The following EXOC8 variants were observed in gnomAD, a reference collection of about 807,000 sequenced individuals.
EXOC8 encodes exocyst complex component 8.
EXOC8 carries 19 observed loss-of-function variants against 50.8 expected under a neutral mutation model. The observed-to-expected ratio is 0.37, with a 90% CI of 0.26 to 0.55. EXOC8 has a LOEUF of 0.55. EXOC8 is among the 20% of genes least tolerant of loss of function. The probability of loss-of-function intolerance (pLI) is 0.80; values close to 1 mark genes in which losing one functional copy is unlikely to be tolerated. For missense variants in EXOC8, 781 were observed against 915.8 expected, an observed-to-expected ratio of 0.85 and a Z score of 1.90; for synonymous variants, 384 against 367.9, an observed-to-expected ratio of 1.04 and a Z score of -0.50.
chr1:231,337,316 C>G lies in EXOC8; in HGVS notation c.430G>C (p.Gly144Arg). ...RGQAGFFSTP[G>R]GASRDGSGPG... ...CCGGAGCCGTCGCGGGAGGCACCCC[C>G]GGGGGTGGAGAAAAAGCCGGCCTGG... Residue 144 changes from glycine to arginine, a missense_variant, in exon 1 of 1, where the codon GGG becomes CGG. Physicochemically the swap from Gly to Arg is moderately radical, Grantham distance 125 (BLOSUM62 -2). Coordinates refer to ENST00000366645, the MANE Select transcript of EXOC8 (RefSeq NM_175876.5). The surrounding 1 kb of genome is among the most constrained non-coding windows in gnomAD (Gnocchi z 5.9). 3.1e-6 allele frequency: 5 copies of G among 1,603,200 alleles called. No homozygotes were observed. Among genetic ancestry groups the G allele is most frequent in the Non-Finnish European group, 4.2e-6 (5 of 1,179,922 alleles).
Position 231,333,688 on chromosome 1 carries a change from A to C in EXOC8, c.*1880T>G, listed in dbSNP as rs545500236. ...GCTAAGATATCCAGTTATGGTTACA[A>C]CTTTCGAAAATCCTAAAGTTATGTG... On this transcript the variant is annotated 3_prime_UTR_variant, in exon 1 of 1. Coordinates refer to ENST00000366645, the MANE Select transcript of EXOC8 (RefSeq NM_175876.5). The C allele has an allele frequency of 9.2e-5, 14 of 152,770 alleles. No homozygotes were observed. The South Asian group carries it at 2.9e-3, about 32-fold the overall frequency. The allele number at this position is 152,770 out of a possible 1,614,324, so 9.5% of individuals were successfully genotyped here.
In EXOC8 at chr1:231,337,217, C is replaced by G. The variant is rs1296298562; in HGVS notation, c.529G>C (p.Glu177Gln). 18 of 1,613,784 alleles carry G rather than the reference C, an allele frequency of 1.1e-5. No homozygotes were observed. Among genetic ancestry groups the G allele is most frequent in the Middle Eastern group, 1.6e-4 (1 of 6,062 alleles). The part of the protein sequence containing the change: ...EKVEGCRHLL[E>Q]TPGQYLVYNG... ...TACACCAAGTACTGTCCCGGCGTCT[C>G]CAGCAGATGCCTGCAGCCTTCCACC... The change falls in exon 1 of 1, where the codon GAG (glutamate) becomes CAG (glutamine). Residue 177 changes from glutamate (E) to glutamine (Q), a missense_variant. By Grantham distance (29) the Glu-to-Gln change is conservative (BLOSUM62 2). Coordinates refer to ENST00000366645, the MANE Select transcript of EXOC8 (RefSeq NM_175876.5). The surrounding 1 kb of genome is among the most constrained non-coding windows in gnomAD (Gnocchi z 5.9).
rs1686633381 is a variant in EXOC8, at chr1:231,335,014, G to A, written c.*554C>T. 1 of 150,934 alleles carries A rather than the reference G, an allele frequency of 6.6e-6. No individual in the cohort carries two copies. Among genetic ancestry groups the A allele is most frequent in the South Asian group, 2.1e-4 (1 of 4,792 alleles). 9.3% of individuals were successfully genotyped at this position (150,934 alleles called of 1,614,324 possible). A position where few individuals can be genotyped will look rare whatever the true frequency, so the allele number is the denominator to read the frequency against. On this transcript the variant is annotated 3_prime_UTR_variant, in exon 1 of 1. Coordinates refer to ENST00000366645, the MANE Select transcript of EXOC8 (RefSeq NM_175876.5). ...TGACTGCTGTATAATATATACTGTG[G>A]GGAAAAAAAAAAAGAAGAAAGAAAA...
Position 231,337,829 on chromosome 1 carries a change from C to T in EXOC8, c.-84G>A. 2.0e-6 allele frequency: 3 copies of T among 1,492,204 alleles called. No individual in the cohort carries two copies. The highest frequency in any genetic ancestry group is 2.7e-6 in the Non-Finnish European group (3 of 1,115,394). The allele number at this position is 1,492,204 out of a possible 1,614,324, so 92.4% of individuals were successfully genotyped here. On this transcript the variant is annotated 5_prime_UTR_variant, in exon 1 of 1. Coordinates refer to ENST00000366645, the MANE Select transcript of EXOC8 (RefSeq NM_175876.5). The surrounding 1 kb of genome is among the most constrained non-coding windows in gnomAD (Gnocchi z 5.9). ...CTAGACCCACCCAAGGCCAACCGAG[C>T]TCCTGGGCTGAGGAAGCAGGAATGG... is the stretch of plus-strand genomic sequence containing the variant.
Position 231,335,470 on chromosome 1 carries a change from G to C in EXOC8, c.*98C>G. On this transcript the variant is annotated 3_prime_UTR_variant, in exon 1 of 1. Coordinates refer to ENST00000366645, the MANE Select transcript of EXOC8 (RefSeq NM_175876.5). ...AGGGCACTTTTAATTTTCAAGTTGTGTTTGAAACTATAGAGTATGCTAATA... is the reference window on the plus strand; with the variant it reads ...AGGGCACTTTTAATTTTCAAGTTGTCTTTGAAACTATAGAGTATGCTAATA... 5 of 1,121,662 alleles carry C rather than the reference G, an allele frequency of 4.5e-6. No individual in the cohort carries two copies. Among genetic ancestry groups the C allele is most frequent in the Non-Finnish European group, 5.8e-6 (5 of 865,392 alleles). The allele number at this position is 1,121,662 out of a possible 1,614,324, so 69.5% of individuals were successfully genotyped here. A position where few individuals can be genotyped will look rare whatever the true frequency, so the allele number is the denominator to read the frequency against.
Position 231,337,720 on chromosome 1 carries a change from C to T in EXOC8, c.26G>A (p.Gly9Glu). MAMAMSDSGASRLRRQLES... is the reference protein window; with the variant it reads MAMAMSDSEASRLRRQLES... ...CAGCTGCCGACGCAGGCGGCTCGCC[C>T]CACTGTCCGACATCGCCATCGCCAT... Residue 9 changes from glycine (G) to glutamate (E), a missense_variant, in exon 1 of 1, where the codon GGG (glycine) becomes GAG (glutamate). Gly to Glu is a moderately conservative substitution (Grantham distance 98, BLOSUM62 -2). Around this residue, in one of 3 missense-constraint regions of EXOC8, gnomAD observed 700 missense variants for 804.1 expected, o/e 0.87. Transcript: ENST00000366645. The surrounding 1 kb of genome is among the most constrained non-coding windows in gnomAD (Gnocchi z 5.9). The T allele has an allele frequency of 6.2e-7, 1 of 1,603,996 alleles. No homozygotes were observed. Among genetic ancestry groups the T allele is most frequent in the Non-Finnish European group, 8.5e-7 (1 of 1,176,726 alleles).
rs751200840 is a variant in EXOC8 at position 231,337,102 on chromosome 1, G to A, written c.644C>T (p.Ala215Val). The A allele has an allele frequency of 8.1e-6, 13 of 1,614,142 alleles. No homozygotes were observed. The highest frequency in any genetic ancestry group is 1.1e-5 in the Non-Finnish European group (13 of 1,180,042). The stretch of plus-strand genomic sequence containing the variant: ...CCCACGCCGCTGAGGCAGCCAGGTA[G>A]CCACCAACAAGCAATCGTTCATGAG... ...GFLMNDCLLV[A>V]TWLPQRRGMY... Residue 215 changes from alanine (A) to valine (V), a missense_variant, in exon 1 of 1, where the codon GCT becomes GTT. By Grantham distance (64) the Ala-to-Val change is moderately conservative. Around this residue, in one of 3 missense-constraint regions of EXOC8, gnomAD observed 700 missense variants for 804.1 expected, o/e 0.87. Coordinates refer to ENST00000366645, the MANE Select transcript of EXOC8 (RefSeq NM_175876.5). The surrounding 1 kb of genome is among the most constrained non-coding windows in gnomAD (Gnocchi z 5.9).
Position 231,335,731 on chromosome 1 carries a change from G to A in EXOC8, c.2015C>T (p.Ala672Val), listed in dbSNP as rs116427277. 2.5e-6 allele frequency: 4 copies of A among 1,614,000 alleles called. No individual in the cohort carries two copies. The highest frequency in any genetic ancestry group is 1.6e-4 in the Middle Eastern group (1 of 6,082). Residue 672 changes from alanine to valine, a missense_variant, in exon 1 of 1, where the codon GCT becomes GTT. By Grantham distance (64) the Ala-to-Val change is moderately conservative. Transcript: ENST00000366645. ...AAAGGATGCATTCTGTCTGATAAAA[G>A]CTTTCTTCTCTGGATCCTGCTCACA... Reference protein sequence around the residue: ...LRCEQDPEKKAFIRQNASFLY... With the variant: ...LRCEQDPEKKVFIRQNASFLY...
Position 231,337,408 on chromosome 1 carries a change from CCGGCGGCAGCAG to C in EXOC8, c.326_337del (p.Ala109_Ala112del). The C allele has an allele frequency of 6.2e-7, 1 of 1,605,588 alleles. No individual in the cohort carries two copies. On this transcript the variant is annotated inframe_deletion, in exon 1 of 1. Coordinates refer to ENST00000366645, the MANE Select transcript of EXOC8 (RefSeq NM_175876.5). This position sits in a 1 kb window ranked among gnomAD's most constrained non-coding sequence, Gnocchi z 5.9. ...CTCCCCTCCAGAGGCGGCGGCGGCT[CCGGCGGCAGCAG>C]CGGCAGGCAGCAACGTAAGCGGGAT...
Position 231,336,699 on chromosome 1 carries a change from C to T in EXOC8, c.1047G>A (p.Ala349=). ...ELPEDLDVCI[A]QRDFEGAVDL... is the part of the protein sequence containing the mutation. ...CAACCGCCCCTTCAAAGTCTCTCTG[C>T]GCAATGCAGACATCCAGGTCTTCAG... Residue 349 remains alanine (A), a synonymous_variant, in exon 1 of 1, where the codon GCG becomes GCA. Coordinates refer to ENST00000366645, the MANE Select transcript of EXOC8 (RefSeq NM_175876.5). This position sits in a 1 kb window ranked among gnomAD's most constrained non-coding sequence, Gnocchi z 5.4. The T allele has an allele frequency of 6.2e-7, 1 of 1,614,208 alleles. No individual in the cohort carries two copies. The highest frequency in any genetic ancestry group is 8.5e-7 in the Non-Finnish European group (1 of 1,180,026).
rs1686660461 is a variant in EXOC8, at chr1:231,335,912, T to G, written c.1834A>C (p.Asn612His). The G allele has an allele frequency of 6.2e-7, 1 of 1,614,066 alleles. No homozygotes were observed. The highest frequency in any genetic ancestry group is 1.1e-5 in the South Asian group (1 of 91,094). Residue 612 changes from asparagine (N) to histidine (H), a missense_variant, in exon 1 of 1, where the codon AAC (asparagine) becomes CAC (histidine). By Grantham distance (68) the Asn-to-His change is moderately conservative (BLOSUM62 1). Around this residue, in one of 3 missense-constraint regions of EXOC8, gnomAD observed 700 missense variants for 804.1 expected, o/e 0.87. Coordinates refer to ENST00000366645, the MANE Select transcript of EXOC8 (RefSeq NM_175876.5). Reference sequence around the variant, plus strand: ...AAAGCAACCACTGTGTAACTTAGGTTCACCCAGCAGTCATCCCCTGTGTAC... The same window carrying G: ...AAAGCAACCACTGTGTAACTTAGGTGCACCCAGCAGTCATCCCCTGTGTAC... ...EQYTGDDCWVNLSYTVVAFTK... is the reference protein window; with the variant it reads ...EQYTGDDCWVHLSYTVVAFTK...
chr1:231,336,816 G>A lies in EXOC8; in HGVS notation c.930C>T (p.Asn310=), dbSNP rs1686688589. 1.2e-6 allele frequency: 2 copies of A among 1,614,106 alleles called. No homozygotes were observed. The highest frequency in any genetic ancestry group is 1.7e-6 in the Non-Finnish European group (2 of 1,180,034). The change falls in exon 1 of 1, where the codon AAC becomes AAT. Residue 310 remains asparagine, a synonymous_variant. Transcript: ENST00000366645. The surrounding 1 kb of genome is among the most constrained non-coding windows in gnomAD (Gnocchi z 5.4). ...CTTCTTCTTCGTCATCCTCAAATGG[G>A]TTAGTGGCCTTGGAAGTCACTTGGG... ...GPPQVTSKAT[N]PFEDDEEEEP... is the part of the protein sequence containing the mutation.
chr1:231,337,527 C>A lies in EXOC8; in HGVS notation c.219G>T (p.Thr73=). The change falls in exon 1 of 1, where the codon ACG becomes ACT. Residue 73 remains threonine, a synonymous_variant. Transcript: ENST00000366645. This position sits in a 1 kb window ranked among gnomAD's most constrained non-coding sequence, Gnocchi z 5.9. ...TCTCCAGGTAGGAGATCTCGCGGGC[C>A]GTCTCTATGAACTGCCGGTAGTTCT... is the stretch of plus-strand genomic sequence containing the variant. ...VYQNYRQFIE[T]AREISYLESE... 6.2e-7 allele frequency: 1 copy of A among 1,613,490 alleles called. No homozygotes were observed. Among genetic ancestry groups the A allele is most frequent in the Non-Finnish European group, 8.5e-7 (1 of 1,179,956 alleles).
chr1:231,336,078 G>A lies in EXOC8; in HGVS notation c.1668C>T (p.His556=). 1 of 1,614,160 alleles carries A rather than the reference G, an allele frequency of 6.2e-7. No individual in the cohort carries two copies. Among genetic ancestry groups the A allele is most frequent in the Non-Finnish European group, 8.5e-7 (1 of 1,180,028 alleles). Residue 556 remains histidine, a synonymous_variant, in exon 1 of 1, where the codon CAC becomes CAT. Coordinates refer to ENST00000366645, the MANE Select transcript of EXOC8 (RefSeq NM_175876.5). The surrounding 1 kb of genome is among the most constrained non-coding windows in gnomAD (Gnocchi z 5.4). ...CTTCAATGATGATTTCTTTGTAACT[G>A]TGCAAGGCCCCTTGGATGTCTTTCA... The part of the protein sequence containing the change: ...LLVKDIQGAL[H]SYKEIIIEAT...
rs1686596023 is a variant in EXOC8 at position 231,332,978 on chromosome 1, T to C, written c.*2590A>G. The C allele has an allele frequency of 6.6e-6, 1 of 152,188 alleles. No homozygotes were observed. Among genetic ancestry groups the C allele is most frequent in the African/African-American group, 2.4e-5 (1 of 41,450 alleles). 9.4% of individuals were successfully genotyped at this position (152,188 alleles called of 1,614,324 possible). A position where few individuals can be genotyped will look rare whatever the true frequency, so the allele number is the denominator to read the frequency against. The stretch of plus-strand genomic sequence containing the variant: ...ATGAGTTTTTAGCAATTATGTGAAA[T>C]AAGGCTTTAACCAAAGCAAGACTTA... On this transcript the variant is annotated 3_prime_UTR_variant, in exon 1 of 1. Coordinates refer to ENST00000366645, the MANE Select transcript of EXOC8 (RefSeq NM_175876.5).
In EXOC8 at chr1:231,337,687, CCT is replaced by C; in HGVS notation, c.57_58del (p.Gly21PhefsTer2). On this transcript the variant is annotated frameshift_variant, in exon 1 of 1. Coordinates refer to ENST00000366645, the MANE Select transcript of EXOC8 (RefSeq NM_175876.5). LOFTEE classifies it high-confidence loss of function. This position sits in a 1 kb window ranked among gnomAD's most constrained non-coding sequence, Gnocchi z 5.9. Reference sequence around the variant, plus strand: ...CACGTACAGCCGCGCCTCAAAACCCCCTGACTCCAGCTGCCGACGCAGGCGGC... The same window carrying C: ...CACGTACAGCCGCGCCTCAAAACCCCGACTCCAGCTGCCGACGCAGGCGGC... 6.2e-7 allele frequency: 1 copy of C among 1,609,350 alleles called. No homozygotes were observed. Among genetic ancestry groups the C allele is most frequent in the East Asian group, 2.2e-5 (1 of 44,872 alleles).
In EXOC8 at chr1:231,337,421, C is replaced by T. The variant is rs1402410365; in HGVS notation, c.325G>A (p.Ala109Thr). Residue 109 changes from alanine to threonine, a missense_variant, in exon 1 of 1, where the codon GCT becomes ACT. Ala to Thr is a moderately conservative substitution (Grantham distance 58, BLOSUM62 0). Transcript: ENST00000366645. The surrounding 1 kb of genome is among the most constrained non-coding windows in gnomAD (Gnocchi z 5.9). ...ESIPLTLLPA[A>T]AAAGAAAASG... The stretch of plus-strand genomic sequence containing the variant: ...GCGGCGGCGGCTCCGGCGGCAGCAG[C>T]GGCAGGCAGCAACGTAAGCGGGATG... 6.2e-7 allele frequency: 1 copy of T among 1,607,232 alleles called. No individual in the cohort carries two copies. The highest frequency in any genetic ancestry group is 1.7e-5 in the Admixed American group (1 of 59,990).
rs200228999 is a variant in EXOC8 at position 231,334,521 on chromosome 1, TCTTG to T, written c.*1043_*1046del. 1,284 of 152,302 alleles carry T rather than the reference TCTTG, an allele frequency of 8.4e-3. 11 individuals carry two copies. The highest frequency in any genetic ancestry group is 0.012 in the Non-Finnish European group (806 of 68,030). The allele number at this position is 152,302 out of a possible 1,614,324, so 9.4% of individuals were successfully genotyped here. The stretch of plus-strand genomic sequence containing the variant: ...AACTGCTGCCAGTGTCCCCAATGTG[TCTTG>T]CTTATTATTTTTTAAAATGTGACAA... On this transcript the variant is annotated 3_prime_UTR_variant, in exon 1 of 1. Coordinates refer to ENST00000366645, the MANE Select transcript of EXOC8 (RefSeq NM_175876.5).
In EXOC8 at chr1:231,337,583, TCTC is replaced by T; in HGVS notation, c.160_162del (p.Glu54del). On this transcript the variant is annotated inframe_deletion, in exon 1 of 1. Coordinates refer to ENST00000366645, the MANE Select transcript of EXOC8 (RefSeq NM_175876.5). This position sits in a 1 kb window ranked among gnomAD's most constrained non-coding sequence, Gnocchi z 5.9. ...ACGTTGCGCTTCAGGTTCTGCGCCG[TCTC>T]CTCCGCCAGCGCCTGGATGCGCTGC... 6.2e-7 allele frequency: 1 copy of T among 1,612,114 alleles called. No homozygotes were observed. The highest frequency in any genetic ancestry group is 8.5e-7 in the Non-Finnish European group (1 of 1,179,848).
Sources: allele counts gnomAD v4.1 joint callset, GRCh38; gene constraint gnomAD v4.1.1; regional missense constraint gnomAD v4.1.1; non-coding constraint Gnocchi (gnomAD v3.1); transcripts MANE v1.5; gene names NCBI Gene and HGNC (gene_info 2026-07-23, HGNC 2026-07-21).